MSI2: variants seen among roughly 807,000 people sequenced by gnomAD.
The protein encoded by MSI2 is RNA-binding protein Musashi homolog 2.
Under a neutral mutation model 45.6 loss-of-function variants are expected in MSI2, and 17 were observed. The observed-to-expected ratio is 0.37, with a 90% confidence interval of 0.26 to 0.56. The LOEUF (loss-of-function observed/expected upper bound fraction) is 0.56. MSI2 is among the 20% of genes least tolerant of loss of function. MSI2 has a pLI of 0.77. For missense variants in MSI2, 293 were observed against 444.2 expected, an observed-to-expected ratio of 0.66 and a Z score of 3.06; for synonymous variants, 156 against 158.2, an observed-to-expected ratio of 0.99 and a Z score of 0.11.
chr17:57,257,754 C>G (rs1172316678), intron 3 of MSI2, among the ~76,000 whole-genome samples: 1 of 125,092 alleles, frequency 8.0e-6, no homozygotes, highest in Non-Finnish European at 1.6e-5. Flanking sequence ...TACAGAGATA[C>G]CCATCTCTCT....
intron 7 of MSI2, among the ~76,000 whole-genome samples, chr17:57,573,376 G>T (rs532687602): frequency 1.3e-5 from 2 of 152,308 alleles, no homozygotes; most frequent in South Asian, 4.2e-4. Context: ...TAAACCAGGT[G>T]GGGAGGCTGT....
chr17:57,526,876 C>T (rs774895726), intron 6 of MSI2, among the ~76,000 whole-genome samples: 1 of 152,012 alleles, frequency 6.6e-6, no homozygotes, highest in Admixed American at 6.6e-5. Context: ...ATTGTACAGC[C>T]GGACTACAGA....
chr17:57,548,192 C>T (rs1270315914), intron 7 of MSI2, among the ~76,000 whole-genome samples: 1 of 152,140 alleles, frequency 6.6e-6, no homozygotes, highest in Non-Finnish European at 1.5e-5. Flanking sequence ...CTGACCACTC[C>T]CTTCTTCTTA....
chr17:57,490,979 C>T (rs1403440999), intron 6 of MSI2, among the ~76,000 whole-genome samples: 1 of 152,190 alleles, frequency 6.6e-6, no homozygotes, highest in Non-Finnish European at 1.5e-5. Flanking sequence ...CCAAGGGGCA[C>T]GCTGGCGGTT....
chr17:57,312,966 C>T (rs561767431), intron 5 of MSI2, among the ~76,000 whole-genome samples: 1 of 152,310 alleles, frequency 6.6e-6, no homozygotes, highest in East Asian at 1.9e-4. Flanking sequence ...CCTGCCTCAG[C>T]CTCCCGAGTA....
chr17:57,528,249 G>A (rs1184267752), intron 6 of MSI2, among the ~76,000 whole-genome samples: 1 of 152,198 alleles, frequency 6.6e-6, no homozygotes, highest in Non-Finnish European at 1.5e-5. Flanking sequence ...TGCTAAAGAT[G>A]TGTGCTCTGT....
chr17:57,429,784 C>A (rs185360209), intron 6 of MSI2, among the ~76,000 whole-genome samples: 1 of 151,904 alleles, frequency 6.6e-6, no homozygotes, highest in Admixed American at 6.6e-5. Context: ...GGAGAATTTC[C>A]GGTCTCATCC....
At chr17:57,480,737 A>C (rs2085633002) in intron 6 of MSI2, among the ~76,000 whole-genome samples, 1 of 152,208 alleles carries the variant, frequency 6.6e-6, no homozygotes, top group Non-Finnish European at 1.5e-5. Flanking sequence ...CTTTTGGGCC[A>C]AGCTGTCCTA....
chr17:57,479,959 C>T (rs1295157383), intron 6 of MSI2, among the ~76,000 whole-genome samples: 1 of 152,216 alleles, frequency 6.6e-6, no homozygotes, highest in South Asian at 2.1e-4. Context: ...CTTTCTACTT[C>T]ACATTACCAA....
chr17:57,674,201 C>T (rs982250290), intron 11 of MSI2, among the ~76,000 whole-genome samples: 9 of 133,038 alleles, frequency 6.8e-5, no homozygotes, highest in Admixed American at 1.7e-4. Context: ...CCTCCGACCA[C>T]GTTCAGTATT....
chr17:57,527,331 T>A (rs567813764), intron 6 of MSI2, among the ~76,000 whole-genome samples: 2 of 142,052 alleles, frequency 1.4e-5, no homozygotes, highest in South Asian at 5.1e-4. Flanking sequence ...GTCTGAGATA[T>A]GCTCATATCA....
In MSI2 at chr17:57,529,644, A is replaced by C. The variant is rs750674072; in HGVS notation, c.406-32A>C. ...TTTTGTGTACTTTCTTAAAATTCCT[A>C]AGGCAGCCTGTATTCTATATTTGTT... On this transcript the variant is annotated intron_variant, in intron 6 of 13. Transcript: ENST00000284073. The surrounding 1 kb of genome is among the most constrained non-coding windows in gnomAD (Gnocchi z 5.3). The C allele has an allele frequency of 1.9e-6, 3 of 1,600,348 alleles. No individual in the cohort carries two copies. The highest frequency in any genetic ancestry group is 1.3e-5 in the African/African-American group (1 of 74,234).
At chr17:57,563,759 C>CACAT (rs2087656237) in intron 7 of MSI2, among the ~76,000 whole-genome samples, 2 of 149,888 alleles carry the variant, frequency 1.3e-5, no homozygotes, top group Admixed American at 6.6e-5. Flanking sequence ...CACACACACA[C>CACAT]ACACACACAC....
chr17:57,359,266 T>C (rs1916657264), intron 5 of MSI2, among the ~76,000 whole-genome samples: 1 of 152,226 alleles, frequency 6.6e-6, no homozygotes, highest in Non-Finnish European at 1.5e-5. Flanking sequence ...CAACTCAATA[T>C]GGGCATTTTA....
Position 57,529,283 on chromosome 17 carries a change from T to C in MSI2, c.406-393T>C, listed in dbSNP as rs1403312322. On this transcript the variant is annotated intron_variant, in intron 6 of 13. Coordinates refer to ENST00000284073, the MANE Select transcript of MSI2 (RefSeq NM_138962.4). This position sits in a 1 kb window ranked among gnomAD's most constrained non-coding sequence, Gnocchi z 5.3. Reference sequence around the variant, plus strand: ...GGACCCTGTCTCTAAAAAAATAAAATAAAATAACTGGGCATGATGGTACAT... The same window carrying C: ...GGACCCTGTCTCTAAAAAAATAAAACAAAATAACTGGGCATGATGGTACAT... Among the ~76,000 whole-genome samples, 1 of 151,596 alleles carries C rather than the reference T, an allele frequency of 6.6e-6. No homozygotes were observed. Among genetic ancestry groups the C allele is most frequent in the Non-Finnish European group, 1.5e-5 (1 of 67,900 alleles).
At chr17:57,302,391 T>C (rs780254357) in intron 5 of MSI2, among the ~76,000 whole-genome samples, 36 of 152,244 alleles carry the variant, frequency 2.4e-4, no homozygotes, top group Non-Finnish European at 4.4e-4. Context: ...ATAACAGGTG[T>C]GTGCCACGGT....
intron 6 of MSI2, among the ~76,000 whole-genome samples, chr17:57,493,766 T>C (rs1363126219): frequency 2.6e-5 from 4 of 151,906 alleles, no homozygotes; most frequent in Non-Finnish European, 4.4e-5. Context: ...CAAACCACAG[T>C]AGGAGGTAGC....
intron 6 of MSI2, among the ~76,000 whole-genome samples, chr17:57,520,603 T>C (rs2086563048): frequency 6.6e-6 from 1 of 152,096 alleles, no homozygotes; most frequent in Non-Finnish European, 1.5e-5. Context: ...AATGATAAAT[T>C]TTATTTTATA....
chr17:57,305,546 G>T (rs1376619377), intron 5 of MSI2, among the ~76,000 whole-genome samples: 1 of 150,946 alleles, frequency 6.6e-6, no homozygotes, highest in Admixed American at 6.6e-5. Flanking sequence ...GCTGATCACT[G>T]TGTGTTACTG....
Sources: allele counts gnomAD v4.1 joint callset (sites outside exome capture counted in the v4.1 genomes callset), GRCh38; gene constraint gnomAD v4.1.1; non-coding constraint Gnocchi (gnomAD v3.1); transcripts MANE v1.5; gene names NCBI Gene and HGNC (gene_info 2026-07-23, HGNC 2026-07-21).